EXOC6: variants seen among roughly 807,000 people sequenced by gnomAD.
EXOC6 encodes SEC15-like 1.
Under a neutral mutation model 112.5 loss-of-function variants are expected in EXOC6, and 60 were observed. The observed-to-expected ratio is 0.53, with a 90% confidence interval of 0.43 to 0.66. EXOC6 has a LOEUF of 0.66. EXOC6 is among the 30% of genes least tolerant of loss of function. EXOC6 has a pLI of 0.00. For synonymous variants in EXOC6, 295 were observed against 308.0 expected, an observed-to-expected ratio of 0.96 and a Z score of 0.44; for missense variants, 855 against 957.1, an observed-to-expected ratio of 0.89 and a Z score of 1.41.
chr10:93,012,110 G>A (rs9420601), intron 19 of EXOC6, among the ~76,000 whole-genome samples: 1,582 of 152,274 alleles, frequency 0.01, 29 homozygotes, highest in African/African-American at 0.036. Context: ...AAAGGTACAT[G>A]TGCTCAAAGG....
chr10:93,010,201 C>T (rs1844176739), intron 19 of EXOC6, among the ~76,000 whole-genome samples: 1 of 152,066 alleles, frequency 6.6e-6, no homozygotes, highest in African/African-American at 2.4e-5. Context: ...TTGCCTTCTA[C>T]CCCTAAAAAA....
chr10:92,862,500 A>G (rs1401294993), intron 1 of EXOC6, among the ~76,000 whole-genome samples: 1 of 152,122 alleles, frequency 6.6e-6, no homozygotes, highest in Non-Finnish European at 1.5e-5. Flanking sequence ...CCCTTCCACC[A>G]TGTGAGGATG....
chr10:92,958,680 G>T (rs1853823914), intron 17 of EXOC6, among the ~76,000 whole-genome samples: 1 of 152,126 alleles, frequency 6.6e-6, no homozygotes, highest in Admixed American at 6.6e-5. Flanking sequence ...TTTTTCTATG[G>T]ATGTTGACAA....
intron 4 of EXOC6, 39 bp from the exon 5 acceptor site, chr10:92,899,560 T>A (rs1187235200): frequency 2.1e-6 from 3 of 1,411,250 alleles, no homozygotes; most frequent in Non-Finnish European, 2.9e-6. Flanking sequence ...ATATTTTCTT[T>A]TCATTTTGAA....
intron 21 of EXOC6, among the ~76,000 whole-genome samples, chr10:93,057,523 T>C (rs1194135128): frequency 6.6e-6 from 1 of 152,192 alleles, no homozygotes; most frequent in Non-Finnish European, 1.5e-5. Flanking sequence ...CTGATGCATC[T>C]TGTCCAACTA....
At chr10:92,960,714 T>G (rs1381784089) in intron 17 of EXOC6, among the ~76,000 whole-genome samples, 1 of 152,112 alleles carries the variant, frequency 6.6e-6, no homozygotes, top group Non-Finnish European at 1.5e-5. Flanking sequence ...CTCTCAGTAC[T>G]GACTTTTAAC....
intron 19 of EXOC6, among the ~76,000 whole-genome samples, chr10:93,013,362 T>C (rs2134233372): frequency 6.6e-6 from 1 of 152,162 alleles, no homozygotes; most frequent in South Asian, 2.1e-4. Flanking sequence ...TCCTAGCACT[T>C]TGGGAGGCCG....
At chr10:92,942,912 C>T (rs760310722) in intron 13 of EXOC6, among the ~76,000 whole-genome samples, 1 of 152,134 alleles carries the variant, frequency 6.6e-6, no homozygotes, top group Non-Finnish European at 1.5e-5. Context: ...ATTTTATCCT[C>T]CAAAGTAATA....
At chr10:92,952,233 C>A (rs750289433) in intron 14 of EXOC6, 40 bp from the exon 15 acceptor site, 2 of 1,328,836 alleles carry the variant, frequency 1.5e-6, no homozygotes, top group East Asian at 2.3e-5. Context: ...ATGTCTTTTT[C>A]TAAAATTTCA....
intron 17 of EXOC6, among the ~76,000 whole-genome samples, chr10:92,957,367 C>T (rs1485102108): frequency 1.3e-5 from 2 of 152,076 alleles, no homozygotes; most frequent in African/African-American, 2.4e-5. Context: ...TTATTCTTAT[C>T]GGTCATAAGC....
Position 92,894,800 on chromosome 10 carries a change from G to T in EXOC6, c.280G>T (p.Val94Phe). ...GTGAAATTAAATTTTTAAGGTGCAAGTTACTGATACCAACCGAAGGTTTCA... is the reference window on the plus strand; with the variant it reads ...GTGAAATTAAATTTTTAAGGTGCAATTTACTGATACCAACCGAAGGTTTCA... ...RTDAEKLKVQ[V>F]TDTNRRFQDA... Residue 94 changes from valine (V) to phenylalanine (F), a missense_variant, in exon 3 of 22, where the codon GTT (valine) becomes TTT (phenylalanine). By Grantham distance (50) the Val-to-Phe change is conservative. This residue lies in a region of EXOC6 where 405 missense variants were observed against 393.6 expected (regional missense o/e 1.03). Coordinates refer to ENST00000260762, the MANE Select transcript of EXOC6 (RefSeq NM_019053.6). 1 of 1,613,398 alleles carries T rather than the reference G, an allele frequency of 6.2e-7. No individual in the cohort carries two copies. Among genetic ancestry groups the T allele is most frequent in the Non-Finnish European group, 8.5e-7 (1 of 1,179,628 alleles).
At chr10:92,912,968 T>A (rs1180720646) in intron 6 of EXOC6, among the ~76,000 whole-genome samples, 1 of 152,196 alleles carries the variant, frequency 6.6e-6, no homozygotes, top group East Asian at 1.9e-4. Context: ...CTTGGTGATG[T>A]GAAACCTCCC....
intron 20 of EXOC6, among the ~76,000 whole-genome samples, chr10:93,050,807 G>C (rs1846254316): frequency 7.4e-6 from 1 of 135,936 alleles, no homozygotes; most frequent in Non-Finnish European, 1.6e-5. Flanking sequence ...GGGAGGAGAA[G>C]GTTGCAGTGA....
At chr10:92,851,657 C>G (rs754586820) in intron 1 of EXOC6, among the ~76,000 whole-genome samples, 2 of 148,742 alleles carry the variant, frequency 1.3e-5, no homozygotes, top group East Asian at 4.0e-4. Flanking sequence ...CTTAAAAAAA[C>G]AAAAACAAAA....
At chr10:93,009,905 G>A (rs1371857571) in intron 19 of EXOC6, among the ~76,000 whole-genome samples, 2 of 152,192 alleles carry the variant, frequency 1.3e-5, no homozygotes, top group Admixed American at 6.5e-5. Flanking sequence ...ACTGTGAGGT[G>A]GCACAAGTCA....
intron 18 of EXOC6, among the ~76,000 whole-genome samples, chr10:92,979,015 T>C (rs905754574): frequency 6.6e-6 from 1 of 152,234 alleles, no homozygotes; most frequent in Non-Finnish European, 1.5e-5. Flanking sequence ...TGCAAAAATT[T>C]GGAGATTTTC....
chr10:92,986,681 T>TA (rs751652354), intron 18 of EXOC6, among the ~76,000 whole-genome samples: 295 of 125,134 alleles, frequency 2.4e-3, no homozygotes, highest in Middle Eastern at 4.3e-3. Flanking sequence ...TATCTTTTTC[T>TA]AAAAAAAAAA....
intron 5 of EXOC6, chr10:92,901,247 G>A (rs1156827734): frequency 1.3e-5 from 2 of 151,980 alleles, no homozygotes; most frequent in Non-Finnish European, 2.9e-5. Context: ...TAATATGTGG[G>A]TCCTGTTTCC....
At chr10:92,986,089 A>G (rs150679856) in intron 18 of EXOC6, among the ~76,000 whole-genome samples, 50 of 152,274 alleles carry the variant, frequency 3.3e-4, no homozygotes, top group Non-Finnish European at 6.5e-4. Flanking sequence ...TAATTCATGT[A>G]AAAATGATAT....
Sources: allele counts gnomAD v4.1 joint callset (sites outside exome capture counted in the v4.1 genomes callset), GRCh38; gene constraint gnomAD v4.1.1; regional missense constraint gnomAD v4.1.1; transcripts MANE v1.5; gene names NCBI Gene and HGNC (gene_info 2026-07-23, HGNC 2026-07-21).